Variants in SLC17A5 observed in about 807,000 individuals in gnomAD.
SLC17A5 encodes solute carrier family 17 member 5.
SLC17A5 carries 47 observed loss-of-function variants against 59.4 expected under a neutral mutation model. That is an observed-to-expected ratio of 0.79 (90% CI 0.63 to 1.01). The LOEUF is 1.01. Among genes scored for constraint, SLC17A5 ranks in the 50% least tolerant of loss-of-function variants. The probability of loss-of-function intolerance (pLI) is 0.00; values close to 1 mark genes in which losing one functional copy is unlikely to be tolerated. For synonymous variants in SLC17A5, 202 were observed against 210.7 expected (o/e 0.96, Z 0.36); for missense variants, 522 against 595.5 (o/e 0.88, Z 1.28).
intron 9 of SLC17A5, among the ~76,000 whole-genome samples, chr6:73,602,387 A>G (rs1167112811): frequency 6.0e-5 from 9 of 150,782 alleles, no homozygotes; most frequent in African/African-American, 2.2e-4. Flanking sequence ...CTATTGTCCT[A>G]TGACCCTGCC....
intron 1 of SLC17A5, among the ~76,000 whole-genome samples, chr6:73,646,244 C>T (rs1231248886): frequency 3.3e-5 from 5 of 152,064 alleles, no homozygotes; most frequent in Non-Finnish European, 5.9e-5. Context: ...ATATATTTTA[C>T]AGAATACAAA....
At chr6:73,651,353 C>T (rs1453479662) in intron 1 of SLC17A5, among the ~76,000 whole-genome samples, 4 of 144,320 alleles carry the variant, frequency 2.8e-5, no homozygotes, top group African/African-American at 5.2e-5. Context: ...CCCAGCTACT[C>T]GGGAGGCTGA....
intron 10 of SLC17A5, among the ~76,000 whole-genome samples, chr6:73,596,665 G>A (rs181263602): frequency 6.6e-6 from 1 of 151,600 alleles, no homozygotes; most frequent in Admixed American, 6.6e-5. Flanking sequence ...GACCATCCTG[G>A]CTAACATGGT....
chr6:73,629,842 C>T (rs888448747), intron 6 of SLC17A5, among the ~76,000 whole-genome samples: 10 of 152,102 alleles, frequency 6.6e-5, no homozygotes, highest in African/African-American at 2.2e-4. Context: ...TAGGAAAGAA[C>T]ACTTCAATGG....
Position 73,610,484 on chromosome 6 carries a change from G to A in SLC17A5, c.1175C>T (p.Ala392Val), listed in dbSNP as rs1227108883. ...AGFIGCDYSL[A>V]VAFLTISTTL... ...TGTTGATATAGTTAGGAAAGCAACG[G>A]CCAAAGAATAATCACAGCCAATGAA... is the stretch of plus-strand genomic sequence containing the variant. Residue 392 changes from alanine (A) to valine (V), a missense_variant, in exon 9 of 11, where the codon GCC (alanine) becomes GTC (valine). By Grantham distance (64) the Ala-to-Val change is moderately conservative. This residue lies in a region of SLC17A5 where 153 missense variants were observed against 168.5 expected (regional missense o/e 0.91). Coordinates refer to ENST00000355773, the MANE Select transcript of SLC17A5 (RefSeq NM_012434.5). 5 of 1,614,130 alleles carry A rather than the reference G, an allele frequency of 3.1e-6. No homozygotes were observed. The highest frequency in any genetic ancestry group is 1.1e-5 in the South Asian group (1 of 91,080).
chr6:73,612,749 G>C (rs1260130958), intron 8 of SLC17A5, among the ~76,000 whole-genome samples: 1 of 152,076 alleles, frequency 6.6e-6, no homozygotes, highest in African/African-American at 2.4e-5. Context: ...TGATTAGATA[G>C]TTTTAAAAGT....
chr6:73,614,792 G>C (rs1020228935), intron 8 of SLC17A5, among the ~76,000 whole-genome samples: 1 of 152,166 alleles, frequency 6.6e-6, no homozygotes, highest in Non-Finnish European at 1.5e-5. Flanking sequence ...CTCCCTACCC[G>C]GTCCCACATA....
chr6:73,638,684 T>C (rs918766687), intron 3 of SLC17A5, among the ~76,000 whole-genome samples, 185 bp from the exon 4 acceptor site: 2 of 152,150 alleles, frequency 1.3e-5, no homozygotes, highest in African/African-American at 4.8e-5. Context: ...CTTTCAGAAT[T>C]TGAGGCTGGG....
chr6:73,604,755 G>A (rs1703459), intron 9 of SLC17A5, among the ~76,000 whole-genome samples: 24,902 of 151,822 alleles, frequency 0.16, 2,388 homozygotes, highest in Admixed American at 0.31. Context: ...TGCCTCAAAA[G>A]ATAATAAATA....
chr6:73,602,490 G>A (rs1168951354), intron 9 of SLC17A5, among the ~76,000 whole-genome samples: 2 of 151,968 alleles, frequency 1.3e-5, no homozygotes, highest in African/African-American at 2.4e-5. Context: ...AACATTAGAG[G>A]AAGGCTGGGC....
intron 6 of SLC17A5, 111 bp downstream of exon 6, chr6:73,635,271 T>G (rs1286524621): frequency 3.0e-6 from 2 of 667,462 alleles, no homozygotes; most frequent in Non-Finnish European, 5.3e-6. Flanking sequence ...TTGCCTATTC[T>G]ACTTTGTCTA....
chr6:73,653,615 C>A, intron 1 of SLC17A5, 178 bp downstream of exon 1: 1 of 576,410 alleles, frequency 1.7e-6, no homozygotes, highest in Non-Finnish European at 2.2e-6. Flanking sequence ...CTTCTGCGCA[C>A]CGAGGCAGGC....
At chr6:73,652,921 A>T in intron 1 of SLC17A5, 1 of 426,246 alleles carries the variant, frequency 2.3e-6, no homozygotes, top group Non-Finnish European at 3.1e-6. Flanking sequence ...TTTGTTCTTT[A>T]GTTTTCGTTA....
At chr6:73,636,958 C>T (rs1021128591) in intron 4 of SLC17A5, among the ~76,000 whole-genome samples, 2 of 151,998 alleles carry the variant, frequency 1.3e-5, no homozygotes, top group South Asian at 4.2e-4. Context: ...GTGATGCACG[C>T]CTGTAGTACC....
At position 73,612,224 on chromosome 6, in the gene SLC17A5, G is replaced by A. The variant is rs182564773; in HGVS notation, c.1112-1677C>T. Among the ~76,000 whole-genome samples the A allele has an allele frequency of 4.1e-3, 614 of 151,252 alleles. 2 individuals carry two copies. The highest frequency in any genetic ancestry group is 0.013 in the South Asian group (64 of 4,778). ...TTTGCCCAGACTGGAGTGCAGTGGC[G>A]AAATCTTGGCTCACTGCAACCTCTG... On this transcript the variant is annotated intron_variant, in intron 8 of 10. Coordinates refer to ENST00000355773, the MANE Select transcript of SLC17A5 (RefSeq NM_012434.5).
At chr6:73,631,750 T>G (rs939629536) in intron 6 of SLC17A5, among the ~76,000 whole-genome samples, 1 of 151,860 alleles carries the variant, frequency 6.6e-6, no homozygotes. Context: ...CAGGCTATAT[T>G]GTATTGAAAT....
rs1554160150 is a variant in SLC17A5, at chr6:73,594,494, C to A, written c.*583G>T. The A allele has an allele frequency of 6.1e-6, 1 of 164,702 alleles. No homozygotes were observed. Among genetic ancestry groups the A allele is most frequent in the Non-Finnish European group, 1.3e-5 (1 of 75,544 alleles). The allele number at this position is 164,702 out of a possible 1,614,324, so 10.2% of individuals were successfully genotyped here. On this transcript the variant is annotated 3_prime_UTR_variant, in exon 11 of 11. Coordinates refer to ENST00000355773, the MANE Select transcript of SLC17A5 (RefSeq NM_012434.5). Reference sequence around the variant, plus strand: ...AAAGGCACCAGCCGAAGAGTCGACACTGGCTCTGGGCTTGGATGCTGCCTC... The same window carrying A: ...AAAGGCACCAGCCGAAGAGTCGACAATGGCTCTGGGCTTGGATGCTGCCTC...
intron 6 of SLC17A5, among the ~76,000 whole-genome samples, chr6:73,628,423 T>TA (rs980839523): frequency 6.6e-6 from 1 of 151,932 alleles, no homozygotes; most frequent in African/African-American, 2.4e-5. Context: ...TATAAACAAT[T>TA]AGCCGGGAAT....
At chr6:73,629,324 G>A (rs542662064) in intron 6 of SLC17A5, among the ~76,000 whole-genome samples, 19 of 152,208 alleles carry the variant, frequency 1.2e-4, no homozygotes, top group African/African-American at 4.3e-4. Flanking sequence ...GGAGGCAGAG[G>A]GAGGCTGCAG....
Sources: gnomAD v4.1 joint callset for allele counts (sites outside exome capture counted in the v4.1 genomes callset) on GRCh38, gnomAD v4.1.1 for gene constraint, gnomAD v4.1.1 regional missense constraint, MANE v1.5 for transcripts, NCBI Gene and HGNC (gene_info 2026-07-23, HGNC 2026-07-21) for gene names.